The following TNRC18 variants were observed in gnomAD, a reference collection of about 807,000 sequenced individuals.
TNRC18 encodes the protein trinucleotide repeat-containing gene 18 protein.
A neutral mutation model predicts 226.7 loss-of-function variants in TNRC18; 69 were observed. The observed-to-expected ratio is 0.30, with a 90% confidence interval of 0.25 to 0.37. The LOEUF (loss-of-function observed/expected upper bound fraction) is 0.37, where lower values mean the gene tolerates loss of function less well. TNRC18 is among the 10% of genes least tolerant of loss of function. The pLI is 1.00. For synonymous variants in TNRC18, 2,449 were observed against 1,927.6 expected (o/e 1.27, Z -7.09); for missense variants, 4,754 against 4,256.6 (o/e 1.12, Z -3.25).
In TNRC18 at chr7:5,421,396, G is replaced by A; in HGVS notation, c.-150C>T. 2.9e-6 allele frequency: 2 copies of A among 693,184 alleles called. No individual in the cohort carries two copies. Among genetic ancestry groups the A allele is most frequent in the Non-Finnish European group, 3.7e-6 (2 of 537,672 alleles). 42.9% of individuals were successfully genotyped at this position (693,184 alleles called of 1,614,324 possible). ...GCGGCGGCCAGCGGGGCTTGCGCTC[G>A]GCGGCGGGCCCGCGGCCCGGGGCGC... On this transcript the variant is annotated 5_prime_UTR_variant, in exon 2 of 30. Transcript: ENST00000430969.
chr7:5,423,047 C>A (rs780580747), intron 1 of TNRC18: 13 of 152,290 alleles, frequency 8.5e-5, no homozygotes, highest in Non-Finnish European at 1.8e-4. Flanking sequence ...GCTGCGTTCT[C>A]CTTACTTTTC....
chr7:5,414,598 G>A (rs930942123), intron 2 of TNRC18, among the ~76,000 whole-genome samples: 1 of 151,986 alleles, frequency 6.6e-6, no homozygotes, highest in African/African-American at 2.4e-5. Context: ...ATTTTTAGTA[G>A]AGACGGGGTT....
chr7:5,393,474 G>A (rs1780444799), intron 3 of TNRC18, among the ~76,000 whole-genome samples: 1 of 152,258 alleles, frequency 6.6e-6, no homozygotes, highest in South Asian at 2.1e-4. Context: ...CAGGATTCGG[G>A]ATGACGGTCA....
intron 5 of TNRC18, among the ~76,000 whole-genome samples, chr7:5,386,759 A>G (rs951623612): frequency 5.3e-5 from 8 of 152,060 alleles, no homozygotes; most frequent in African/African-American, 1.9e-4. Context: ...CTAAAACAAA[A>G]TAATAATTTA....
chr7:5,371,767 G>C (rs1356643350), intron 10 of TNRC18, among the ~76,000 whole-genome samples: 1 of 152,096 alleles, frequency 6.6e-6, no homozygotes, highest in Non-Finnish European at 1.5e-5. Flanking sequence ...CATTAAAGCA[G>C]TTGTTCAAAA....
intron 5 of TNRC18, among the ~76,000 whole-genome samples, chr7:5,386,926 T>C (rs1779833171): frequency 6.6e-6 from 1 of 151,876 alleles, no homozygotes; most frequent in Non-Finnish European, 1.5e-5. Flanking sequence ...AACACAAAAT[T>C]AGCCAAGCAT....
In TNRC18 at chr7:5,309,983, G is replaced by C. The variant is rs1256199354; in HGVS notation, c.8389-615C>G. ...GCAGGACTGCAGTGGTAATATCATA[G>C]CTCACTGCAGCCTCGATCTCCTGGG... is the stretch of plus-strand genomic sequence containing the variant. On this transcript the variant is annotated intron_variant, in intron 27 of 29. Transcript: ENST00000430969. This position sits in a 1 kb window ranked among gnomAD's most constrained non-coding sequence, Gnocchi z 5.7. Among the ~76,000 whole-genome samples, 5 of 152,076 alleles carry C rather than the reference G, an allele frequency of 3.3e-5. No homozygotes were observed. The highest frequency in any genetic ancestry group is 1.2e-4 in the African/African-American group (5 of 41,416).
chr7:5,321,107 C>A lies in TNRC18; in HGVS notation c.6526G>T (p.Ala2176Ser). ...LIPMDDKLLY[A>S]GHVQTVHSPD... ...GAGTGCACGGTCTGCACGTGCCCGG[C>A]GTACAGCAGCTTGTCATCCATGGGG... The change falls in exon 22 of 30, where the codon GCC becomes TCC. Residue 2176 changes from alanine to serine, a missense_variant. By Grantham distance (99) the Ala-to-Ser change is moderately conservative (BLOSUM62 1). Coordinates refer to ENST00000430969, the MANE Select transcript of TNRC18 (RefSeq NM_001080495.3). The A allele has an allele frequency of 6.4e-7, 1 of 1,554,338 alleles. No homozygotes were observed. The highest frequency in any genetic ancestry group is 8.7e-7 in the Non-Finnish European group (1 of 1,149,632).
rs1284218775 is a variant in TNRC18 at position 5,374,141 on chromosome 7, T to C, written c.3143A>G (p.Lys1048Arg). The C allele has an allele frequency of 7.8e-7, 1 of 1,277,676 alleles. No individual in the cohort carries two copies. Among genetic ancestry groups the C allele is most frequent in the Non-Finnish European group, 1.0e-6 (1 of 988,498 alleles). The allele number at this position is 1,277,676 out of a possible 1,614,324, so 79.1% of individuals were successfully genotyped here. Reference protein sequence around the residue: ...SPPPTPGITRKEEAPENVVEK... With the variant: ...SPPPTPGITRREEAPENVVEK... ...GACCACATTCTCGGGAGCCTCCTCC[T>C]TGCGGGTGATACCCGGGGTGGGCGG... The change falls in exon 10 of 30, where the codon AAG (lysine) becomes AGG (arginine). Residue 1048 changes from lysine (K) to arginine (R), a missense_variant. By Grantham distance (26) the Lys-to-Arg change is conservative. Coordinates refer to ENST00000430969, the MANE Select transcript of TNRC18 (RefSeq NM_001080495.3).
chr7:5,326,494 G>C (rs1788922805), intron 19 of TNRC18, among the ~76,000 whole-genome samples: 1 of 152,086 alleles, frequency 6.6e-6, no homozygotes, highest in African/African-American at 2.4e-5. Flanking sequence ...GCCCAGGCTG[G>C]AGTGCCATGG....
rs1791847952 is a variant in TNRC18, at chr7:5,351,826, A to T, written c.5463T>A (p.Phe1821Leu). 1 of 1,585,472 alleles carries T rather than the reference A, an allele frequency of 6.3e-7. No homozygotes were observed. The highest frequency in any genetic ancestry group is 8.6e-7 in the Non-Finnish European group (1 of 1,166,736). The change falls in exon 17 of 30, where the codon TTT becomes TTA. Residue 1821 changes from phenylalanine to leucine, a missense_variant. Phe to Leu is a conservative substitution (Grantham distance 22). Coordinates refer to ENST00000430969, the MANE Select transcript of TNRC18 (RefSeq NM_001080495.3). The part of the protein sequence containing the change: ...SSFSDSSEES[F>L]DQDESSEEED... ...GTGTTTGGAGCTAGTAACCTTGGTC[A>T]AACGATTCCTCCGAAGAGTCGCTGA... is the stretch of plus-strand genomic sequence containing the variant.
chr7:5,341,796 G>C (rs1403832452), intron 18 of TNRC18, among the ~76,000 whole-genome samples: 1 of 146,794 alleles, frequency 6.8e-6, no homozygotes, highest in Non-Finnish European at 1.5e-5. Context: ...GAATAACAAA[G>C]CCTTGGTAAC....
chr7:5,359,827 TCACACA>T (rs35120436), intron 14 of TNRC18, among the ~76,000 whole-genome samples: 1 of 151,290 alleles, frequency 6.6e-6, no homozygotes, highest in East Asian at 1.9e-4. Flanking sequence ...ACGCGTACAC[TCACACA>T]CACACACACA....
rs760817167 is a variant in TNRC18, at chr7:5,362,735, A to G, written c.4310T>C (p.Val1437Ala). 3.4e-5 allele frequency: 54 copies of G among 1,573,464 alleles called. No individual in the cohort carries two copies. In the Admixed American group the frequency reaches 9.9e-4, roughly 29 times the overall value. Reference protein sequence around the residue: ...HMLREVLDGPVVDPLKNLRLP... With the variant: ...HMLREVLDGPAVDPLKNLRLP... ...CCGCAGGTTCTTGAGTGGGTCCACC[A>G]CGGGCCCATCCAGCACCTCCCTCAG... The change falls in exon 12 of 30, where the codon GTG becomes GCG. Residue 1437 changes from valine to alanine, a missense_variant. By Grantham distance (64) the Val-to-Ala change is moderately conservative. Coordinates refer to ENST00000430969, the MANE Select transcript of TNRC18 (RefSeq NM_001080495.3).
chr7:5,371,623 T>G (rs1794166776), intron 10 of TNRC18, among the ~76,000 whole-genome samples: 1 of 152,144 alleles, frequency 6.6e-6, no homozygotes, highest in South Asian at 2.1e-4. Flanking sequence ...TCTCTCTTGT[T>G]CCTTTCCCAC....
chr7:5,394,965 G>A lies in TNRC18; in HGVS notation c.188-370C>T, dbSNP rs964254989. ...TGCAGGTGGAATCCTGAAGTCGGTG[G>A]CGCACTGGGACTTCCAGAGGCCACA... On this transcript the variant is annotated intron_variant, in intron 2 of 29. Transcript: ENST00000430969. The surrounding 1 kb of genome is among the most constrained non-coding windows in gnomAD (Gnocchi z 4.5). 6.6e-6 allele frequency among the ~76,000 whole-genome samples: 1 copy of A among 152,136 alleles called. No individual in the cohort carries two copies. Among genetic ancestry groups the A allele is most frequent in the Non-Finnish European group, 1.5e-5 (1 of 68,016 alleles).
At chr7:5,352,218 T>C in intron 16 of TNRC18, 124 bp from the exon 17 acceptor site, 1 of 1,026,574 alleles carries the variant, frequency 9.7e-7, no homozygotes, top group Non-Finnish European at 1.4e-6. Context: ...TCCGAATACC[T>C]AGTAGGCGGC....
intron 21 of TNRC18, among the ~76,000 whole-genome samples, chr7:5,322,772 C>G (rs1252928837): frequency 6.6e-6 from 1 of 152,228 alleles, no homozygotes; most frequent in African/African-American, 2.4e-5. Context: ...GGTCTGTCCC[C>G]GACATTCTCA....
chr7:5,392,779 G>A (rs1780392907), intron 3 of TNRC18, among the ~76,000 whole-genome samples: 2 of 152,158 alleles, frequency 1.3e-5, no homozygotes, highest in South Asian at 4.1e-4. Context: ...AGGTCAAGGT[G>A]GGACGATCGC....
Sources: gnomAD v4.1 joint callset for allele counts (sites outside exome capture counted in the v4.1 genomes callset) on GRCh38, gnomAD v4.1.1 for gene constraint, Gnocchi (gnomAD v3.1) non-coding constraint, MANE v1.5 for transcripts, NCBI Gene and HGNC (gene_info 2026-07-23, HGNC 2026-07-21) for gene names.